GSDME: variants seen among roughly 807,000 people sequenced by gnomAD.
The protein encoded by GSDME is gasdermin E.
A neutral mutation model predicts 47.5 loss-of-function variants in GSDME; 44 were observed. The ratio of observed to expected loss-of-function variants is 0.93; its 90% CI spans 0.73 to 1.19. The LOEUF is 1.19. Ranked by LOEUF, GSDME falls within the 50% of genes most tolerant of loss-of-function variation. GSDME has a pLI of 0.00. For missense variants in GSDME, 663 were observed against 604.2 expected (o/e 1.10, Z -1.02); for synonymous variants, 258 against 252.8 (o/e 1.02, Z -0.20).
At chr7:24,727,111 A>G (rs1483340195) in intron 3 of GSDME, among the ~76,000 whole-genome samples, 1 of 152,236 alleles carries the variant, frequency 6.6e-6, no homozygotes, top group Non-Finnish European at 1.5e-5. Context: ...AGCTGTGATT[A>G]AGTGGCAGTG....
In GSDME at chr7:24,735,263, T is replaced by C. The variant is rs1790267533; in HGVS notation, c.404+9299A>G. On this transcript the variant is annotated intron_variant, in intron 3 of 9. Transcript: ENST00000645220. The surrounding 1 kb of genome is among the most constrained non-coding windows in gnomAD (Gnocchi z 4.4). The stretch of plus-strand genomic sequence containing the variant: ...AAGAAAAGCTGAAGGACTTCATCAA[T>C]ACCAGATCAGTCCTACAAGAAATGC... Among the ~76,000 whole-genome samples the C allele has an allele frequency of 6.6e-6, 1 of 152,164 alleles. No individual in the cohort carries two copies. Among genetic ancestry groups the C allele is most frequent in the Non-Finnish European group, 1.5e-5 (1 of 68,026 alleles).
At chr7:24,791,059 C>CT in the GSDME span, among the ~76,000 whole-genome samples, 1 of 152,274 alleles carries the variant, frequency 6.6e-6, no homozygotes, top group South Asian at 2.1e-4. This position sits in a 1 kb window ranked among gnomAD's most constrained non-coding sequence, Gnocchi z 4.8. Context: ...TTCAGAGTCA[C>CT]TTTGCAGGGA....
chr7:24,720,380 G>A (rs994061778), intron 3 of GSDME, among the ~76,000 whole-genome samples: 2 of 152,174 alleles, frequency 1.3e-5, no homozygotes, highest in Non-Finnish European at 1.5e-5. Flanking sequence ...TAAGAGGTTA[G>A]TTACCTTGAA....
In GSDME at chr7:24,745,506, C is replaced by T. The variant is rs1207300115; in HGVS notation, c.212-752G>A. Among the ~76,000 whole-genome samples the T allele has an allele frequency of 1.3e-5, 2 of 152,186 alleles. No homozygotes were observed. Among genetic ancestry groups the T allele is most frequent in the African/African-American group, 4.8e-5 (2 of 41,446 alleles). ...CTGACTTCCTGATAAGGTCAGTGGACATGCCCTTTTTAAAATGATAAATGT... is the reference window on the plus strand; with the variant it reads ...CTGACTTCCTGATAAGGTCAGTGGATATGCCCTTTTTAAAATGATAAATGT... On this transcript the variant is annotated intron_variant, in intron 2 of 9. Coordinates refer to ENST00000645220, the MANE Select transcript of GSDME (RefSeq NM_001127453.2). The surrounding 1 kb of genome is among the most constrained non-coding windows in gnomAD (Gnocchi z 4.4).
At chr7:24,755,063 T>C (rs750212924) in intron 1 of GSDME, among the ~76,000 whole-genome samples, 7 of 152,194 alleles carry the variant, frequency 4.6e-5, no homozygotes, top group Non-Finnish European at 7.3e-5. Flanking sequence ...AAGCTGAGGT[T>C]CAAAGATGTT....
chr7:24,779,498 G>GGT, the GSDME span, among the ~76,000 whole-genome samples: 7,241 of 143,084 alleles, frequency 0.051, 296 homozygotes, highest in African/African-American at 0.12. The surrounding 1 kb of genome is among the most constrained non-coding windows in gnomAD (Gnocchi z 6.0). Flanking sequence ...AGTGATACAT[G>GGT]GTGTGTGTGT....
chr7:24,703,717 A>T (rs1419628722), intron 8 of GSDME: 1 of 152,242 alleles, frequency 6.6e-6, no homozygotes, highest in East Asian at 1.9e-4. Context: ...CTCAAGAGAG[A>T]GTGTAGGCTA....
intron 2 of GSDME, 41 bp downstream of exon 2, chr7:24,749,523 C>A: frequency 2.1e-6 from 3 of 1,399,144 alleles, no homozygotes; most frequent in Non-Finnish European, 3.0e-6. Context: ...AAGGATCATC[C>A]TTTCCGAGAC....
At chr7:24,778,614 C>T in the GSDME span, among the ~76,000 whole-genome samples, 3 of 152,104 alleles carry the variant, frequency 2.0e-5, no homozygotes, top group Admixed American at 6.5e-5. This position sits in a 1 kb window ranked among gnomAD's most constrained non-coding sequence, Gnocchi z 5.6. Flanking sequence ...GTTGGCTGGC[C>T]GACATGCAGG....
At chr7:24,765,312 A>G in the GSDME span, among the ~76,000 whole-genome samples, 1 of 152,250 alleles carries the variant, frequency 6.6e-6, no homozygotes, top group Non-Finnish European at 1.5e-5. Context: ...TTACAAAAAG[A>G]AAATTAATAT....
At chr7:24,758,145 T>A (rs2237326), upstream of GSDME, 232 of 152,322 alleles carry the variant, frequency 1.5e-3, 1 homozygote, top group African/African-American at 5.2e-3. The surrounding 1 kb of genome is among the most constrained non-coding windows in gnomAD (Gnocchi z 4.6). Flanking sequence ...GCTCTTTTTG[T>A]AACATTAGGA....
rs1331596796 is a variant in GSDME at position 24,716,520 on chromosome 7, A to G, written c.697+734T>C. On this transcript the variant is annotated intron_variant, in intron 5 of 9. Coordinates refer to ENST00000645220, the MANE Select transcript of GSDME (RefSeq NM_001127453.2). This position sits in a 1 kb window ranked among gnomAD's most constrained non-coding sequence, Gnocchi z 4.5. ...CCTAAGGAGCGGTCACACAGCTTTC[A>G]TGAGTGAACACAACCTCTTCTCATT... The G allele has an allele frequency of 6.5e-6, 1 of 153,150 alleles. No homozygotes were observed. The highest frequency in any genetic ancestry group is 1.5e-5 in the Non-Finnish European group (1 of 68,800). 9.5% of individuals were successfully genotyped at this position (153,150 alleles called of 1,614,324 possible).
In GSDME at chr7:24,735,366, T is replaced by C. The variant is rs1790270168; in HGVS notation, c.404+9196A>G. Among the ~76,000 whole-genome samples, 1 of 152,158 alleles carries C rather than the reference T, an allele frequency of 6.6e-6. No individual in the cohort carries two copies. The highest frequency in any genetic ancestry group is 2.4e-5 in the African/African-American group (1 of 41,434). On this transcript the variant is annotated intron_variant, in intron 3 of 9. Transcript: ENST00000645220. The surrounding 1 kb of genome is among the most constrained non-coding windows in gnomAD (Gnocchi z 4.4). ...TGAAAGTCCAAAATGTACTTGTAAG[T>C]ACACAGAAAAAACACAGACTATTAT...
the GSDME span, among the ~76,000 whole-genome samples, chr7:24,781,342 A>G: frequency 0.11 from 16,293 of 152,234 alleles, 1,121 homozygotes; most frequent in East Asian, 0.2. Context: ...GAGTTGTTCA[A>G]TCTAACACAG....
Position 24,736,053 on chromosome 7 carries a change from A to G in GSDME, c.404+8509T>C, listed in dbSNP as rs552251939. On this transcript the variant is annotated intron_variant, in intron 3 of 9. Transcript: ENST00000645220. The surrounding 1 kb of genome is among the most constrained non-coding windows in gnomAD (Gnocchi z 4.6). ...ACAGATACACAAAAAATAGAAAGCA[A>G]GAAATTAAATCATACCACCATAGAA... 6.6e-6 allele frequency among the ~76,000 whole-genome samples: 1 copy of G among 152,268 alleles called. No homozygotes were observed. The highest frequency in any genetic ancestry group is 2.1e-4 in the South Asian group (1 of 4,828).
Position 24,737,519 on chromosome 7 carries a change from AG to A in GSDME, c.404+7042del, listed in dbSNP as rs533945164. Among the ~76,000 whole-genome samples, 3 of 152,242 alleles carry A rather than the reference AG, an allele frequency of 2.0e-5. No homozygotes were observed. In the East Asian group the frequency reaches 5.8e-4, roughly 29 times the overall value. On this transcript the variant is annotated intron_variant, in intron 3 of 9. Transcript: ENST00000645220. Reference sequence around the variant, plus strand: ...AAGCCAAAATAAAGTCTCCCAGAAAAGAAAAGCCAACAAAAACCTGATGGCT... The same window carrying A: ...AAGCCAAAATAAAGTCTCCCAGAAAAAAAAGCCAACAAAAACCTGATGGCT...
chr7:24,740,210 T>C (rs533532667), intron 3 of GSDME, among the ~76,000 whole-genome samples: 9 of 152,272 alleles, frequency 5.9e-5, no homozygotes, highest in African/African-American at 2.2e-4. Flanking sequence ...TTCTTATTTA[T>C]TTCTTGAACT....
chr7:24,748,000 G>A (rs1472556097), intron 2 of GSDME, among the ~76,000 whole-genome samples: 1 of 151,494 alleles, frequency 6.6e-6, no homozygotes, highest in Non-Finnish European at 1.5e-5. Flanking sequence ...AAATTGTAGT[G>A]GTTAAGCAAA....
intron 9 of GSDME, among the ~76,000 whole-genome samples, chr7:24,699,878 A>G (rs1179700401): frequency 6.6e-6 from 1 of 152,180 alleles, no homozygotes; most frequent in African/African-American, 2.4e-5. Flanking sequence ...TTTACTGAAG[A>G]TATTAGAACT....
Sources: gnomAD v4.1 joint callset for allele counts (sites outside exome capture counted in the v4.1 genomes callset) on GRCh38, gnomAD v4.1.1 for gene constraint, Gnocchi (gnomAD v3.1) non-coding constraint, MANE v1.5 for transcripts, NCBI Gene and HGNC (gene_info 2026-07-23, HGNC 2026-07-21) for gene names.